Variants in ZBTB10 observed in about 807,000 individuals in gnomAD.
ZBTB10 encodes the protein zinc finger and BTB domain-containing protein 10.
Under a neutral mutation model 76.4 loss-of-function variants are expected in ZBTB10, and 32 were observed. The observed-to-expected ratio is 0.42, with a 90% CI of 0.32 to 0.56. ZBTB10 has a LOEUF of 0.56. ZBTB10 is among the 20% of genes least tolerant of loss of function. The pLI, the probability that ZBTB10 is intolerant of heterozygous loss-of-function variation, is 0.14. For missense variants in ZBTB10, 1,057 were observed against 1,098.5 expected, an observed-to-expected ratio of 0.96 and a Z score of 0.53; for synonymous variants, 523 against 432.9, an observed-to-expected ratio of 1.21 and a Z score of -2.58.
intron 2 of ZBTB10, among the ~76,000 whole-genome samples, chr8:80,505,496 A>G (rs1334225859): frequency 6.6e-6 from 1 of 152,228 alleles, no homozygotes; most frequent in Admixed American, 6.5e-5. Context: ...TGATTAAAAG[A>G]TAAAGTTTAG....
At position 80,519,846 on chromosome 8, in the gene ZBTB10, A is replaced by T; in HGVS notation, c.*318A>T. ...TGAAAATAGTCCTTAAAGAGCTTACATTCATGTGCTACTTTAACATGAATG... is the reference window on the plus strand; with the variant it reads ...TGAAAATAGTCCTTAAAGAGCTTACTTTCATGTGCTACTTTAACATGAATG... On this transcript the variant is annotated 3_prime_UTR_variant, in exon 6 of 6. Coordinates refer to ENST00000455036, the MANE Select transcript of ZBTB10 (RefSeq NM_001105539.3). 4.9e-6 allele frequency: 1 copy of T among 202,508 alleles called. No individual in the cohort carries two copies. The highest frequency in any genetic ancestry group is 1.0e-5 in the Non-Finnish European group (1 of 97,776). The allele number at this position is 202,508 out of a possible 1,614,324, so 12.5% of individuals were successfully genotyped here.
chr8:80,505,013 A>T (rs1367074836), intron 2 of ZBTB10, among the ~76,000 whole-genome samples: 1 of 152,176 alleles, frequency 6.6e-6, no homozygotes, highest in African/African-American at 2.4e-5. Context: ...TAGATTTTTA[A>T]ATTTATACCT....
rs1347854147 is a variant in ZBTB10, at chr8:80,525,917, T to TA, written c.*6390dup. On this transcript the variant is annotated 3_prime_UTR_variant, in exon 6 of 6. Transcript: ENST00000455036. ...TTATTTTGTGTTGCCAAGCATATGA[T>TA]ACGTGGTGTCACACTGAGCCTTTGG... 1 of 152,220 alleles carries TA rather than the reference T, an allele frequency of 6.6e-6. No homozygotes were observed. Among genetic ancestry groups the TA allele is most frequent in the Admixed American group, 6.6e-5 (1 of 15,260 alleles). The allele number at this position is 152,220 out of a possible 1,614,324, so 9.4% of individuals were successfully genotyped here. A position where few individuals can be genotyped will look rare whatever the true frequency, so the allele number is the denominator to read the frequency against.
Position 80,487,762 on chromosome 8 carries a change from C to T in ZBTB10, c.952C>T (p.Leu318Phe). The T allele has an allele frequency of 1.9e-6, 3 of 1,601,128 alleles. No homozygotes were observed. The highest frequency in any genetic ancestry group is 2.6e-6 in the Non-Finnish European group (3 of 1,173,988). The change falls in exon 1 of 6, where the codon CTC becomes TTC. Residue 318 changes from leucine (L) to phenylalanine (F), a missense_variant. Transcript: ENST00000455036. ...LRHHVSTEHK[L>F]HEANAQESEI... is the part of the protein sequence containing the mutation. The stretch of plus-strand genomic sequence containing the variant: ...GCACCACGTCTCTACCGAGCACAAA[C>T]TCCACGAAGCCAACGCCCAGGTACA...
rs923920174 is a variant in ZBTB10 at position 80,486,730 on chromosome 8, G to T, written c.-81G>T. On this transcript the variant is annotated 5_prime_UTR_variant, in exon 1 of 6. Transcript: ENST00000455036. Reference sequence around the variant, plus strand: ...CGGGGGCGGGGGCGAGACAGAGGGGGAGCCGCGGGGAGCGCGCGGGACGCG... The same window carrying T: ...CGGGGGCGGGGGCGAGACAGAGGGGTAGCCGCGGGGAGCGCGCGGGACGCG... 5.0e-6 allele frequency: 5 copies of T among 1,007,434 alleles called. No homozygotes were observed. In the African/African-American group the frequency reaches 7.0e-5, roughly 14 times the overall value. The allele number at this position is 1,007,434 out of a possible 1,614,324, so 62.4% of individuals were successfully genotyped here.
At chr8:80,507,167 G>A (rs534677870) in intron 2 of ZBTB10, among the ~76,000 whole-genome samples, 51 of 151,172 alleles carry the variant, frequency 3.4e-4, no homozygotes, top group Admixed American at 1.9e-3. Context: ...AATTAGCTGG[G>A]TGTGGTGGCG....
In ZBTB10 at chr8:80,486,608, C is replaced by G; in HGVS notation, c.-203C>G. 1 of 987,080 alleles carries G rather than the reference C, an allele frequency of 1.0e-6. No homozygotes were observed. Among genetic ancestry groups the G allele is most frequent in the Non-Finnish European group, 1.2e-6 (1 of 831,404 alleles). The allele number at this position is 987,080 out of a possible 1,614,324, so 61.1% of individuals were successfully genotyped here. A position where few individuals can be genotyped will look rare whatever the true frequency, so the allele number is the denominator to read the frequency against. On this transcript the variant is annotated 5_prime_UTR_variant, in exon 1 of 6. Transcript: ENST00000455036. ...GCGGTCGGAGGCGTCGGCCCGGCAG[C>G]GGCAGCGGCAGCGGACGCGTGCAGC...
At chr8:80,488,987 A>G (rs919034833) in intron 1 of ZBTB10, among the ~76,000 whole-genome samples, 1 of 9,564 alleles carries the variant, frequency 1.0e-4, no homozygotes, top group African/African-American at 4.7e-4. Flanking sequence ...CCCCCGCCCC[A>G]GTGGACAATG....
chr8:80,494,938 A>G (rs1815742858), intron 1 of ZBTB10, among the ~76,000 whole-genome samples: 1 of 151,342 alleles, frequency 6.6e-6, no homozygotes, highest in African/African-American at 2.4e-5. Flanking sequence ...AAAAAAAAAA[A>G]AAAGGAAAAA....
chr8:80,487,095 G>A lies in ZBTB10; in HGVS notation c.285G>A (p.Leu95=). ...CCGCCGAGGAAGCCAAGGAGTTGCT[G>A]CTCCCCCAAGACGCGGGCGGCCCCA... ...AGAAEEAKEL[L]LPQDAGGPTS... Residue 95 remains leucine (L), a synonymous_variant, in exon 1 of 6, where the codon CTG becomes CTA. Transcript: ENST00000455036. The A allele has an allele frequency of 6.6e-7, 1 of 1,519,164 alleles. No individual in the cohort carries two copies. The highest frequency in any genetic ancestry group is 8.8e-7 in the Non-Finnish European group (1 of 1,139,510). The allele number at this position is 1,519,164 out of a possible 1,614,324, so 94.1% of individuals were successfully genotyped here. A position where few individuals can be genotyped will look rare whatever the true frequency, so the allele number is the denominator to read the frequency against.
At chr8:80,512,924 T>G (rs748598435) in intron 2 of ZBTB10, among the ~76,000 whole-genome samples, 2 of 152,078 alleles carry the variant, frequency 1.3e-5, no homozygotes, top group Non-Finnish European at 2.9e-5. Flanking sequence ...AGTGACATCC[T>G]AGGTGCTTAT....
chr8:80,490,236 C>T (rs554842376), intron 1 of ZBTB10, among the ~76,000 whole-genome samples: 1 of 152,252 alleles, frequency 6.6e-6, no homozygotes, highest in African/African-American at 2.4e-5. Context: ...CCACTTAGTG[C>T]CGTTATTTAT....
In ZBTB10 at chr8:80,503,498, ATTATTTAT is replaced by A. The variant is rs112133197; in HGVS notation, c.1861+3137_1861+3144del. Among the ~76,000 whole-genome samples, 894 of 151,324 alleles carry A rather than the reference ATTATTTAT, an allele frequency of 5.9e-3. 6 individuals carry two copies. Among genetic ancestry groups the A allele is most frequent in the African/African-American group, 0.019 (801 of 41,208 alleles). ...TCTGTCGTTGGGAATAGTGTAATTT[ATTATTTAT>A]TTATTTATTTATTTATTTATGTTTT... On this transcript the variant is annotated intron_variant, in intron 2 of 5. Transcript: ENST00000455036.
chr8:80,526,018 A>T lies in ZBTB10; in HGVS notation c.*6490A>T, dbSNP rs563854327. The T allele has an allele frequency of 7.2e-5, 11 of 152,230 alleles. No individual in the cohort carries two copies. Among genetic ancestry groups the T allele is most frequent in the Admixed American group, 7.2e-4 (11 of 15,270 alleles). The allele number at this position is 152,230 out of a possible 1,614,324, so 9.4% of individuals were successfully genotyped here. Reference sequence around the variant, plus strand: ...TAATGACCAAATCCAACCTACTGCAAATGTTACTATGGAAATCTCAATGCA... The same window carrying T: ...TAATGACCAAATCCAACCTACTGCATATGTTACTATGGAAATCTCAATGCA... On this transcript the variant is annotated 3_prime_UTR_variant, in exon 6 of 6. Coordinates refer to ENST00000455036, the MANE Select transcript of ZBTB10 (RefSeq NM_001105539.3).
upstream of ZBTB10, chr8:80,485,806 C>T (rs906882619): frequency 6.5e-7 from 1 of 1,535,554 alleles, no homozygotes; most frequent in African/African-American, 1.4e-5. Context: ...GAGCGCAGCT[C>T]CCACCGCACA....
chr8:80,486,598 G>A lies in ZBTB10; in HGVS notation c.-213G>A. The A allele has an allele frequency of 1.0e-6, 1 of 987,022 alleles. No individual in the cohort carries two copies. The highest frequency in any genetic ancestry group is 1.2e-6 in the Non-Finnish European group (1 of 831,370). The allele number at this position is 987,022 out of a possible 1,614,324, so 61.1% of individuals were successfully genotyped here. On this transcript the variant is annotated 5_prime_UTR_variant, in exon 1 of 6. Coordinates refer to ENST00000455036, the MANE Select transcript of ZBTB10 (RefSeq NM_001105539.3). The stretch of plus-strand genomic sequence containing the variant: ...GGACGAGAGAGCGGTCGGAGGCGTC[G>A]GCCCGGCAGCGGCAGCGGCAGCGGA...
chr8:80,494,381 C>A (rs1458813774), intron 1 of ZBTB10, among the ~76,000 whole-genome samples: 8 of 152,136 alleles, frequency 5.3e-5, no homozygotes, highest in Admixed American at 5.2e-4. Flanking sequence ...TCTTCCTCTA[C>A]CCCCGCAAAA....
At chr8:80,495,046 T>G (rs1284026438) in intron 1 of ZBTB10, among the ~76,000 whole-genome samples, 1 of 152,130 alleles carries the variant, frequency 6.6e-6, no homozygotes, top group Non-Finnish European at 1.5e-5. Context: ...CTATTTCGAT[T>G]ATATCACTGC....
intron 2 of ZBTB10, among the ~76,000 whole-genome samples, chr8:80,508,188 A>AAGG (rs948910554): frequency 3.9e-5 from 6 of 152,182 alleles, no homozygotes; most frequent in African/African-American, 1.4e-4. Flanking sequence ...TGGGTCAGTT[A>AAGG]AGGCATTTTT....
Sources: gnomAD v4.1 joint callset for allele counts (sites outside exome capture counted in the v4.1 genomes callset) on GRCh38, gnomAD v4.1.1 for gene constraint, MANE v1.5 for transcripts, NCBI Gene and HGNC (gene_info 2026-07-23, HGNC 2026-07-21) for gene names.